The following MCTP1 variants were observed in gnomAD, a reference collection of about 807,000 sequenced individuals.
MCTP1 encodes multiple C2 and transmembrane domain-containing protein 1.
MCTP1 carries 69 observed loss-of-function variants against 120.6 expected under a neutral mutation model. The ratio of observed to expected loss-of-function variants is 0.57; its 90% CI spans 0.47 to 0.70. MCTP1 has a LOEUF of 0.70. Ranked by LOEUF, MCTP1 falls within the 30% of genes least tolerant of loss-of-function variation. The pLI, the probability that MCTP1 is intolerant of heterozygous loss-of-function variation, is 0.00. For synonymous variants in MCTP1, 529 were observed against 493.1 expected (o/e 1.07, Z -0.96); for missense variants, 1,203 against 1,248.8 (o/e 0.96, Z 0.55).
At chr5:95,272,414 G>A (rs748052223) in intron 1 of MCTP1, among the ~76,000 whole-genome samples, 4 of 152,130 alleles carry the variant, frequency 2.6e-5, no homozygotes, top group Non-Finnish European at 5.9e-5. Context: ...TATACCACCT[G>A]GATAGTCCCA....
chr5:94,978,897 T>G (rs181911274), intron 2 of MCTP1: 2 of 152,056 alleles, frequency 1.3e-5, no homozygotes, highest in Middle Eastern at 3.4e-3. Context: ...ACCAAGATCA[T>G]TGGGTGTGAT....
At chr5:94,956,207 G>A (rs1822571736) in intron 2 of MCTP1, among the ~76,000 whole-genome samples, 1 of 152,100 alleles carries the variant, frequency 6.6e-6, no homozygotes, top group Non-Finnish European at 1.5e-5. Flanking sequence ...AAACAGAAAG[G>A]AATAGCCATC....
rs1236480646 is a variant in MCTP1 at position 94,888,969 on chromosome 5, G to A, written c.1843C>T (p.Pro615Ser). The change falls in exon 12 of 23, where the codon CCA becomes TCA. Residue 615 changes from proline to serine, a missense_variant. Coordinates refer to ENST00000515393, the MANE Select transcript of MCTP1 (RefSeq NM_024717.7). ...EREEILKRYSPLRIFHNLKDV... is the reference protein window; with the variant it reads ...EREEILKRYSSLRIFHNLKDV... ...TTCAGGTTGTGAAATATCCTCAATG[G>A]GCTCTGAAAGACCCCAACATCAGTA... 2 of 1,607,918 alleles carry A rather than the reference G, an allele frequency of 1.2e-6. No homozygotes were observed. Among genetic ancestry groups the A allele is most frequent in the South Asian group, 1.1e-5 (1 of 90,964 alleles).
intron 19 of MCTP1, among the ~76,000 whole-genome samples, chr5:94,722,625 G>A (rs2152646714): frequency 6.6e-6 from 1 of 152,196 alleles, no homozygotes; most frequent in South Asian, 2.1e-4. Flanking sequence ...TTTCCTGGAG[G>A]AAGTATTTGG....
intron 1 of MCTP1, among the ~76,000 whole-genome samples, chr5:95,201,463 GGTTTTTTTTTTTTTTT>G (rs1751015351): frequency 3.3e-5 from 4 of 120,720 alleles, no homozygotes; most frequent in Admixed American, 9.1e-5. Flanking sequence ...AAGGAAAAGT[GGTTTTTTTTTTTTTTT>G]TTTTTTTTTT....
intron 2 of MCTP1, among the ~76,000 whole-genome samples, chr5:95,006,347 A>G (rs539723713): frequency 6.6e-6 from 1 of 151,530 alleles, no homozygotes; most frequent in Admixed American, 6.6e-5. Context: ...GTGTATGTGT[A>G]TGGGTGTATT....
intron 1 of MCTP1, among the ~76,000 whole-genome samples, chr5:95,250,153 A>G (rs1219213175): frequency 1.4e-5 from 2 of 147,714 alleles, no homozygotes; most frequent in African/African-American, 2.4e-5. Flanking sequence ...ACTTAAAAGT[A>G]TAATAAAAAA....
chr5:95,045,520 G>A (rs916663794), intron 1 of MCTP1, among the ~76,000 whole-genome samples: 1 of 152,106 alleles, frequency 6.6e-6, no homozygotes. Flanking sequence ...AGAGGCCTAC[G>A]GCTTAGAGAG....
chr5:95,207,269 A>C (rs1393206029), intron 1 of MCTP1, among the ~76,000 whole-genome samples: 1 of 152,188 alleles, frequency 6.6e-6, no homozygotes, highest in African/African-American at 2.4e-5. Context: ...TCAATAGAGC[A>C]GCAGGGGTGG....
At chr5:94,762,183 CT>C (rs758310619) in intron 19 of MCTP1, among the ~76,000 whole-genome samples, 3 of 152,208 alleles carry the variant, frequency 2.0e-5, no homozygotes, top group Non-Finnish European at 4.4e-5. Flanking sequence ...GGCAGACAGA[CT>C]AAAGTTTATA....
intron 1 of MCTP1, among the ~76,000 whole-genome samples, chr5:95,219,078 A>G (rs964939908): frequency 6.6e-6 from 1 of 152,130 alleles, no homozygotes; most frequent in African/African-American, 2.4e-5. Context: ...TTGGGCTAGT[A>G]ATGTAAAAAT....
chr5:94,965,097 C>T (rs906556797), intron 2 of MCTP1, among the ~76,000 whole-genome samples: 4 of 152,072 alleles, frequency 2.6e-5, no homozygotes, highest in East Asian at 1.9e-4. Flanking sequence ...TTCATTTCTG[C>T]TTGAATAACT....
chr5:94,870,075 C>T (rs1238623928), intron 16 of MCTP1, among the ~76,000 whole-genome samples: 3 of 152,084 alleles, frequency 2.0e-5, no homozygotes, highest in East Asian at 3.9e-4. Flanking sequence ...TTCTCATTTA[C>T]ACATTCCATG....
intron 19 of MCTP1, among the ~76,000 whole-genome samples, chr5:94,761,427 G>T (rs906077735): frequency 1.3e-5 from 2 of 151,964 alleles, no homozygotes; most frequent in African/African-American, 4.8e-5. Context: ...ATTTTAGTGG[G>T]GACATAGAAA....
In MCTP1 at chr5:95,220,992, C is replaced by T. The variant is rs183291138; in HGVS notation, c.720+62864G>A. ...GGCAGAAAAAATTACGCAAAAAGGA[C>T]CTAAAGTGCTTAAAATAAGACCAAA... is the stretch of plus-strand genomic sequence containing the variant. On this transcript the variant is annotated intron_variant, in intron 1 of 22. Coordinates refer to ENST00000515393, the MANE Select transcript of MCTP1 (RefSeq NM_024717.7). Among the ~76,000 whole-genome samples the T allele has an allele frequency of 2.6e-5, 4 of 152,144 alleles. No homozygotes were observed. The East Asian group carries it at 5.8e-4, about 22-fold the overall frequency.
chr5:94,990,420 C>T (rs1831305033), intron 2 of MCTP1, among the ~76,000 whole-genome samples: 1 of 152,194 alleles, frequency 6.6e-6, no homozygotes, highest in Non-Finnish European at 1.5e-5. Flanking sequence ...TGGCAGAATT[C>T]AGTTCTTTAC....
intron 1 of MCTP1, among the ~76,000 whole-genome samples, chr5:95,245,491 T>C (rs1318331256): frequency 1.3e-5 from 2 of 152,168 alleles, no homozygotes; most frequent in East Asian, 1.9e-4. Context: ...AATGACCTGA[T>C]GGAGCTGAAA....
chr5:95,181,725 G>C (rs1392650613), intron 1 of MCTP1, among the ~76,000 whole-genome samples: 1 of 152,124 alleles, frequency 6.6e-6, no homozygotes, highest in Non-Finnish European at 1.5e-5. Flanking sequence ...CAGTTCTCAT[G>C]GTAGATTAAC....
chr5:95,067,075 G>T (rs1349825356), intron 1 of MCTP1, among the ~76,000 whole-genome samples: 3 of 150,724 alleles, frequency 2.0e-5, no homozygotes, highest in Non-Finnish European at 4.4e-5. Context: ...CCAATCCAAG[G>T]CCTGGGATGG....
Sources: allele counts gnomAD v4.1 joint callset (sites outside exome capture counted in the v4.1 genomes callset), GRCh38; gene constraint gnomAD v4.1.1; transcripts MANE v1.5; gene names NCBI Gene and HGNC (gene_info 2026-07-23, HGNC 2026-07-21).